Variants in TANC2 observed in about 807,000 individuals in gnomAD.
The protein encoded by TANC2 is protein TANC2.
TANC2 carries 26 observed loss-of-function variants against 210.5 expected under a neutral mutation model. The observed-to-expected ratio is 0.12, with a 90% CI of 0.09 to 0.17. The LOEUF (loss-of-function observed/expected upper bound fraction) is 0.17. Among genes scored for constraint, TANC2 ranks in the 10% least tolerant of loss-of-function variants. The pLI, the probability that TANC2 is intolerant of heterozygous loss-of-function variation, is 1.00. For missense variants in TANC2, 2,129 were observed against 2,608.9 expected (o/e 0.82, Z 4.01); for synonymous variants, 931 against 967.1 (o/e 0.96, Z 0.69).
intron 2 of TANC2, among the ~76,000 whole-genome samples, chr17:63,011,314 GTAT>G (rs2033865570): frequency 6.6e-6 from 1 of 151,688 alleles, no homozygotes; most frequent in Non-Finnish European, 1.5e-5. Context: ...AATCTATTCT[GTAT>G]TATTTTATTC....
At chr17:63,373,259 C>T (rs998026699) in intron 14 of TANC2, among the ~76,000 whole-genome samples, 2 of 152,144 alleles carry the variant, frequency 1.3e-5, no homozygotes, top group Admixed American at 6.5e-5. Flanking sequence ...AAACATACCA[C>T]GCTTCCTAGA....
chr17:63,392,830 TAATAAAAGTA>T (rs781531449), intron 17 of TANC2, among the ~76,000 whole-genome samples: 6 of 152,052 alleles, frequency 3.9e-5, no homozygotes, highest in African/African-American at 4.8e-5. Flanking sequence ...CAATTTAAAA[TAATAAAAGTA>T]AATAAAATAA....
At chr17:63,364,235 T>C (rs1273228611) in intron 14 of TANC2, among the ~76,000 whole-genome samples, 1 of 152,230 alleles carries the variant, frequency 6.6e-6, no homozygotes. Context: ...GTCTTTTAGC[T>C]TTACAAGTTT....
Position 63,266,204 on chromosome 17 carries a change from A to C in TANC2, c.1034-1544A>C, listed in dbSNP as rs543978195. On this transcript the variant is annotated intron_variant, in intron 8 of 27. Transcript: ENST00000689528. ...TCCATTCCATTCCTGTAATTGTAAT[A>C]AAATATTAATAAAATTTTAATAAAT... 6.6e-4 allele frequency among the ~76,000 whole-genome samples: 100 copies of C among 152,262 alleles called. No homozygotes were observed. The South Asian group carries it at 7.5e-3, about 11-fold the overall frequency.
rs1000273319 is a variant in TANC2, at chr17:63,310,215, G to A, written c.1160-4173G>A. On this transcript the variant is annotated intron_variant, in intron 9 of 27. Coordinates refer to ENST00000689528, the Ensembl canonical transcript of TANC2. ...TAATCCCAGCACTTTGGGAGGCCAA[G>A]GCAGGTGGATCACTTAAGGTCAGGA... 5.9e-5 allele frequency among the ~76,000 whole-genome samples: 9 copies of A among 152,330 alleles called. No homozygotes were observed. In the East Asian group the frequency reaches 7.7e-4, roughly 13 times the overall value.
At chr17:63,262,200 CT>C (rs1459917593) in intron 8 of TANC2, among the ~76,000 whole-genome samples, 1 of 151,918 alleles carries the variant, frequency 6.6e-6, no homozygotes, top group Non-Finnish European at 1.5e-5. Context: ...GATTTTTTTT[CT>C]TTAAGAGACA....
At chr17:63,168,960 C>T (rs997464994) in intron 5 of TANC2, among the ~76,000 whole-genome samples, 1 of 152,192 alleles carries the variant, frequency 6.6e-6, no homozygotes, top group Non-Finnish European at 1.5e-5. Flanking sequence ...CATTTGTTCT[C>T]AGCTATTATG....
chr17:63,121,083 TGTTA>T (rs1234190859), intron 4 of TANC2, among the ~76,000 whole-genome samples: 5 of 152,136 alleles, frequency 3.3e-5, no homozygotes, highest in Non-Finnish European at 7.3e-5. Context: ...ACCTCATTTC[TGTTA>T]GAGTCTACAT....
intron 9 of TANC2, among the ~76,000 whole-genome samples, chr17:63,308,176 T>C (rs926495765): frequency 6.6e-6 from 1 of 152,226 alleles, no homozygotes; most frequent in Non-Finnish European, 1.5e-5. Context: ...GAAAGCTATT[T>C]CTATCCCATA....
chr17:63,218,999 T>C (rs2042097204), intron 7 of TANC2, among the ~76,000 whole-genome samples: 1 of 152,050 alleles, frequency 6.6e-6, no homozygotes, highest in Non-Finnish European at 1.5e-5. Flanking sequence ...AAATGGAAAT[T>C]GAAATAAAAG....
intron 15 of TANC2, among the ~76,000 whole-genome samples, chr17:63,385,197 A>G (rs1002049435): frequency 7.2e-5 from 11 of 152,170 alleles, no homozygotes; most frequent in African/African-American, 2.7e-4. Flanking sequence ...TTTTCCTTCA[A>G]CCATCATATG....
intron 9 of TANC2, among the ~76,000 whole-genome samples, chr17:63,303,351 G>A (rs988346889): frequency 1.3e-5 from 2 of 152,132 alleles, no homozygotes; most frequent in African/African-American, 2.4e-5. Context: ...TTTCTCCTTT[G>A]TTTATGAAGC....
At chr17:63,037,069 A>C (rs1479110595) in intron 2 of TANC2, among the ~76,000 whole-genome samples, 1 of 152,146 alleles carries the variant, frequency 6.6e-6, no homozygotes. Context: ...TAGAACAATT[A>C]TTATAACAAT....
chr17:63,379,660 C>T, intron 14 of TANC2, 58 bp from the exon 15 acceptor site: 2 of 1,330,650 alleles, frequency 1.5e-6, no homozygotes, highest in Non-Finnish European at 2.1e-6. Flanking sequence ...CAGAGTGAGA[C>T]TCCATCTCAA....
chr17:63,241,157 G>A (rs750637279), intron 8 of TANC2, among the ~76,000 whole-genome samples: 9 of 152,178 alleles, frequency 5.9e-5, no homozygotes, highest in Non-Finnish European at 1.3e-4. Flanking sequence ...AAGGTGGGGT[G>A]GGGGCTTATT....
At chr17:63,031,600 G>A (rs2144137392) in intron 2 of TANC2, among the ~76,000 whole-genome samples, 1 of 152,160 alleles carries the variant, frequency 6.6e-6, no homozygotes, top group East Asian at 1.9e-4. Flanking sequence ...TAAGCTTCCA[G>A]TGGATTCATG....
At chr17:63,191,715 G>A (rs977618951) in intron 5 of TANC2, among the ~76,000 whole-genome samples, 3 of 152,014 alleles carry the variant, frequency 2.0e-5, no homozygotes, top group Non-Finnish European at 4.4e-5. Context: ...AACCTGCCTC[G>A]GCATCCCAAA....
chr17:63,064,556 G>C (rs1266537683), intron 2 of TANC2, among the ~76,000 whole-genome samples: 1 of 152,060 alleles, frequency 6.6e-6, no homozygotes, highest in Admixed American at 6.6e-5. Flanking sequence ...TCTTAAGCTT[G>C]ATCTAATATT....
chr17:63,146,092 A>G (rs1248869464), intron 4 of TANC2, among the ~76,000 whole-genome samples: 1 of 151,974 alleles, frequency 6.6e-6, no homozygotes, highest in Non-Finnish European at 1.5e-5. Context: ...GCAATGTTTG[A>G]TAGTTTTTGG....
Sources: allele counts gnomAD v4.1 joint callset (sites outside exome capture counted in the v4.1 genomes callset), GRCh38; gene constraint gnomAD v4.1.1; transcripts MANE v1.5; gene names NCBI Gene and HGNC (gene_info 2026-07-23, HGNC 2026-07-21).